The following AMD1 variants were observed in gnomAD, a reference collection of about 807,000 sequenced individuals.
AMD1 encodes S-adenosylmethionine decarboxylase proenzyme.
Under a neutral mutation model 40.2 loss-of-function variants are expected in AMD1, and 11 were observed. That is an observed-to-expected ratio of 0.27 (90% CI 0.17 to 0.45). The LOEUF is 0.45. Ranked by LOEUF, AMD1 falls within the 20% of genes least tolerant of loss-of-function variation. The pLI is 1.00. For missense variants in AMD1, 257 were observed against 410.2 expected (o/e 0.63, Z 3.23); for synonymous variants, 121 against 130.8 (o/e 0.93, Z 0.51).
In AMD1 at chr6:110,893,962, T is replaced by TACGG; in HGVS notation, c.*346_*347insACGG. 2.3e-5 allele frequency: 5 copies of TACGG among 217,244 alleles called. No individual in the cohort carries two copies. The highest frequency in any genetic ancestry group is 1.5e-4 in the South Asian group (2 of 13,342). The allele number at this position is 217,244 out of a possible 1,614,324, so 13.5% of individuals were successfully genotyped here. On this transcript the variant is annotated 3_prime_UTR_variant, in exon 9 of 9. Coordinates refer to ENST00000368885, the MANE Select transcript of AMD1 (RefSeq NM_001634.6). ...CAGTGTAATATTTCTCCAAGTATCA[T>TACGG]CCAAAATTCCCCACAGACAAGGCTT...
At chr6:110,815,272 C>CG in the AMD1 span, 1 of 1,047,366 alleles carries the variant, frequency 9.5e-7, no homozygotes, top group Non-Finnish European at 1.3e-6. Context: ...CCGCCGCCCG[C>CG]CGCTCCGCGG....
At chr6:110,857,892 T>C in the AMD1 span, among the ~76,000 whole-genome samples, 1 of 151,572 alleles carries the variant, frequency 6.6e-6, no homozygotes, top group Non-Finnish European at 1.5e-5. Context: ...TGGAATGCAG[T>C]AGACTGATCA....
intron 1 of AMD1, among the ~76,000 whole-genome samples, chr6:110,878,561 C>T (rs917131302): frequency 5.3e-5 from 8 of 152,126 alleles, no homozygotes; most frequent in Admixed American, 3.3e-4. Context: ...AAGGGAGAGG[C>T]GGTTTCTTAG....
intron 4 of AMD1, 146 bp from the exon 5 acceptor site, chr6:110,892,015 C>G (rs1158186319): frequency 5.2e-6 from 5 of 965,232 alleles, no homozygotes; most frequent in Non-Finnish European, 8.0e-6. Context: ...GGATTATAGA[C>G]ATGAGCTACT....
chr6:110,860,866 C>G, the AMD1 span, among the ~76,000 whole-genome samples: 19,521 of 144,452 alleles, frequency 0.14, 1,401 homozygotes, highest in East Asian at 0.31. Context: ...CACACACACA[C>G]ACACAGAGAG....
chr6:110,826,116 A>G, the AMD1 span, among the ~76,000 whole-genome samples: 2 of 149,368 alleles, frequency 1.3e-5, no homozygotes, highest in Non-Finnish European at 3.0e-5. Flanking sequence ...GCAGGGAGCT[A>G]TGATCACACT....
At chr6:110,844,922 T>G in the AMD1 span, among the ~76,000 whole-genome samples, 1 of 151,716 alleles carries the variant, frequency 6.6e-6, no homozygotes, top group African/African-American at 2.4e-5. Context: ...CTGGTGAGCC[T>G]CACGAAGCTT....
At chr6:110,856,368 C>T in the AMD1 span, 5 of 152,226 alleles carry the variant, frequency 3.3e-5, no homozygotes, top group Non-Finnish European at 4.4e-5. Context: ...GCTAGTTACT[C>T]AAAGTCGAAG....
intron 1 of AMD1, among the ~76,000 whole-genome samples, chr6:110,880,477 G>T (rs542654035): frequency 6.6e-6 from 1 of 152,100 alleles, no homozygotes; most frequent in African/African-American, 2.4e-5. Flanking sequence ...TATTCTTCTA[G>T]GAGTTTTATT....
At chr6:110,835,321 G>A in the AMD1 span, among the ~76,000 whole-genome samples, 63 of 151,856 alleles carry the variant, frequency 4.1e-4, no homozygotes, top group Non-Finnish European at 5.3e-4. Context: ...CCCGGCCTGT[G>A]GATACTATTA....
the AMD1 span, among the ~76,000 whole-genome samples, chr6:110,842,959 C>G: frequency 1.3e-5 from 2 of 151,844 alleles, no homozygotes; most frequent in Non-Finnish European, 2.9e-5. Flanking sequence ...ATCATGAAAC[C>G]CCGTCTCTAC....
chr6:110,886,712 G>A (rs556670628), intron 1 of AMD1, among the ~76,000 whole-genome samples: 12 of 152,348 alleles, frequency 7.9e-5, no homozygotes, highest in Admixed American at 2.0e-4. Context: ...GGTCAAGGCC[G>A]AAGTGAGCTG....
chr6:110,888,789 A>C, intron 2 of AMD1, 68 bp from the exon 3 acceptor site: 4 of 1,470,516 alleles, frequency 2.7e-6, no homozygotes, highest in Non-Finnish European at 2.8e-6. Context: ...ATGATAATTA[A>C]ATTGGTTGAT....
the AMD1 span, among the ~76,000 whole-genome samples, chr6:110,836,730 G>A: frequency 6.6e-6 from 1 of 151,858 alleles, no homozygotes; most frequent in Non-Finnish European, 1.5e-5. Context: ...CCTGACCAAG[G>A]TTGTTTGTTT....
At chr6:110,858,437 C>T in the AMD1 span, 2 of 952,406 alleles carry the variant, frequency 2.1e-6, no homozygotes, top group East Asian at 4.9e-5. Flanking sequence ...CATGAACAAG[C>T]TACAGCCGGG....
chr6:110,884,385 C>T (rs1273585445), intron 1 of AMD1, among the ~76,000 whole-genome samples: 1 of 152,322 alleles, frequency 6.6e-6, no homozygotes, highest in East Asian at 1.9e-4. Context: ...ACACCAACCT[C>T]AAGGTGACAT....
the AMD1 span, among the ~76,000 whole-genome samples, chr6:110,869,334 G>A: frequency 1.1e-4 from 16 of 150,988 alleles, no homozygotes; most frequent in Admixed American, 5.3e-4. Context: ...GGGTTTCACC[G>A]TGTTAGCCAG....
At position 110,892,569 on chromosome 6, in the gene AMD1, A is replaced by T; in HGVS notation, c.615+126A>T. Reference sequence around the variant, plus strand: ...TTTGTTACATAGGTAAACTTGTGTCATGGGGGTTTGTCGTACACAGTATTT... The same window carrying T: ...TTTGTTACATAGGTAAACTTGTGTCTTGGGGGTTTGTCGTACACAGTATTT... On this transcript the variant is annotated intron_variant, in intron 6 of 8. Coordinates refer to ENST00000368885, the MANE Select transcript of AMD1 (RefSeq NM_001634.6). The T allele has an allele frequency of 2.8e-6, 4 of 1,450,842 alleles. No homozygotes were observed. In the South Asian group the frequency reaches 5.0e-5, roughly 18 times the overall value. 89.9% of individuals were successfully genotyped at this position (1,450,842 alleles called of 1,614,324 possible). A position where few individuals can be genotyped will look rare whatever the true frequency, so the allele number is the denominator to read the frequency against.
the AMD1 span, among the ~76,000 whole-genome samples, chr6:110,823,087 C>T: frequency 6.6e-6 from 1 of 152,178 alleles, no homozygotes; most frequent in Non-Finnish European, 1.5e-5. Flanking sequence ...TGCACTCCAG[C>T]CTGGGCAACA....
Sources: allele counts gnomAD v4.1 joint callset (sites outside exome capture counted in the v4.1 genomes callset), GRCh38; gene constraint gnomAD v4.1.1; transcripts MANE v1.5; gene names NCBI Gene and HGNC (gene_info 2026-07-23, HGNC 2026-07-21).